The following SUCLG2 variants were observed in gnomAD, a reference collection of about 807,000 sequenced individuals.
SUCLG2 encodes succinate-CoA ligase GDP-forming subunit beta.
In SUCLG2, 42 loss-of-function variants were observed where a neutral mutation model predicts 47.9. That is an observed-to-expected ratio of 0.88 (90% confidence interval 0.69 to 1.14). SUCLG2 has a LOEUF of 1.14. Ranked by LOEUF, SUCLG2 falls within the 50% of genes most tolerant of loss-of-function variation. The pLI is 0.00. For missense variants in SUCLG2, 571 were observed against 525.9 expected (o/e 1.09, Z -0.84); for synonymous variants, 195 against 197.3 (o/e 0.99, Z 0.10).
chr3:67,414,752 C>T (rs1333354601), intron 9 of SUCLG2, among the ~76,000 whole-genome samples: 1 of 152,194 alleles, frequency 6.6e-6, no homozygotes, highest in African/African-American at 2.4e-5. Context: ...GATGTATCAA[C>T]ATCCCAGAAG....
intron 5 of SUCLG2, 25 bp downstream of exon 5, chr3:67,520,457 C>G: frequency 6.2e-7 from 1 of 1,613,790 alleles, no homozygotes; most frequent in Non-Finnish European, 8.5e-7. Context: ...CAATTAATAG[C>G]AGGTAGCCCG....
At chr3:67,427,752 G>T (rs940073606) in intron 9 of SUCLG2, among the ~76,000 whole-genome samples, 2 of 152,146 alleles carry the variant, frequency 1.3e-5, no homozygotes, top group African/African-American at 4.8e-5. Flanking sequence ...GGAAAATCAG[G>T]ACACTTCCAC....
chr3:67,366,705 C>T (rs778820466), intron 10 of SUCLG2, among the ~76,000 whole-genome samples: 17 of 152,142 alleles, frequency 1.1e-4, no homozygotes, highest in East Asian at 1.9e-4. Flanking sequence ...AGGATGACAA[C>T]GTTGAGCAGA....
chr3:67,372,571 T>A (rs188768325), downstream of SUCLG2, among the ~76,000 whole-genome samples: 230 of 152,282 alleles, frequency 1.5e-3, 2 homozygotes, highest in East Asian at 0.02. Flanking sequence ...GAACAGCATA[T>A]GTTCAAAAGT....
chr3:67,610,108 G>A (rs550232217), intron 1 of SUCLG2, among the ~76,000 whole-genome samples: 2 of 152,188 alleles, frequency 1.3e-5, no homozygotes, highest in African/African-American at 4.8e-5. Context: ...ACTGTATATA[G>A]ACTGTTAATC....
At chr3:67,477,992 C>T (rs937339845) in intron 9 of SUCLG2, among the ~76,000 whole-genome samples, 12 of 152,180 alleles carry the variant, frequency 7.9e-5, no homozygotes, top group Non-Finnish European at 1.3e-4. Flanking sequence ...AACAAACCTA[C>T]GATAGGTACT....
Position 67,637,812 on chromosome 3 carries a change from G to C in SUCLG2, c.84+16691C>G, listed in dbSNP as rs1209004215. On this transcript the variant is annotated intron_variant, in intron 1 of 10. Coordinates refer to ENST00000307227, the MANE Select transcript of SUCLG2 (RefSeq NM_003848.4). ...ATGCCAGTAACTTTTGATCCATGTA[G>C]CTTTCTCCTATACCACATTATGACT... Among the ~76,000 whole-genome samples, 3 of 152,124 alleles carry C rather than the reference G, an allele frequency of 2.0e-5. No individual in the cohort carries two copies. In the East Asian group the frequency reaches 5.8e-4, roughly 29 times the overall value.
chr3:67,507,623 C>A (rs116348217), intron 7 of SUCLG2, among the ~76,000 whole-genome samples: 1 of 151,856 alleles, frequency 6.6e-6, no homozygotes, highest in African/African-American at 2.4e-5. Context: ...TATACTTAGG[C>A]CTCTCTGGGT....
intron 9 of SUCLG2, among the ~76,000 whole-genome samples, chr3:67,463,533 A>T (rs1376940420): frequency 6.6e-6 from 1 of 152,256 alleles, no homozygotes; most frequent in Non-Finnish European, 1.5e-5. Context: ...TTATCTTTAT[A>T]TATTTTGTTA....
intron 9 of SUCLG2, among the ~76,000 whole-genome samples, chr3:67,448,914 CTT>C (rs1191351659): frequency 3.3e-5 from 5 of 151,874 alleles, no homozygotes; most frequent in Non-Finnish European, 5.9e-5. Context: ...TGAAAAAAAA[CTT>C]TTGAATTCCA....
chr3:67,365,407 C>T (rs958998889), intron 10 of SUCLG2, among the ~76,000 whole-genome samples: 4 of 152,096 alleles, frequency 2.6e-5, no homozygotes, highest in Non-Finnish European at 5.9e-5. Context: ...TGTTTTTAAC[C>T]TGTGAAAAGG....
rs940536753 is a variant in SUCLG2, at chr3:67,495,939, C to T, written c.921G>A (p.Val307=). 2 of 1,613,876 alleles carry T rather than the reference C, an allele frequency of 1.2e-6. No individual in the cohort carries two copies. Among genetic ancestry groups the T allele is most frequent in the Non-Finnish European group, 1.7e-6 (2 of 1,179,886 alleles). The change falls in exon 9 of 11, where the codon GTG becomes GTA. Residue 307 remains valine, a splice_region_variant and synonymous_variant. Transcript: ENST00000307227. ...TAGCCATGGCGAGCCCAGCACCATT[C>T]ACTGTGAAATGCAAATGGGACACAA... ...IGLDGNIACF[V]NGAGLAMATC...
chr3:67,443,841 GC>G (rs1703840624), intron 9 of SUCLG2, among the ~76,000 whole-genome samples: 1 of 82,306 alleles, frequency 1.2e-5, no homozygotes, highest in Non-Finnish European at 2.9e-5. Context: ...GAAGTGAGGA[GC>G]CCCTCCGCCC....
At chr3:67,638,038 T>C (rs540949522) in intron 1 of SUCLG2, among the ~76,000 whole-genome samples, 1 of 152,346 alleles carries the variant, frequency 6.6e-6, no homozygotes, top group African/African-American at 2.4e-5. Context: ...ATGATAAGTA[T>C]TTTTTCAGTA....
chr3:67,563,433 A>C (rs1007705931), intron 2 of SUCLG2, among the ~76,000 whole-genome samples: 7 of 152,210 alleles, frequency 4.6e-5, no homozygotes, highest in Non-Finnish European at 1.5e-5. Flanking sequence ...TAGTGAGAAA[A>C]ATGAGACAGT....
chr3:67,442,221 G>T (rs942421704), intron 9 of SUCLG2, among the ~76,000 whole-genome samples: 3 of 151,764 alleles, frequency 2.0e-5, no homozygotes, highest in South Asian at 2.1e-4. Flanking sequence ...CGTTTTAGCC[G>T]GGATGGTCTC....
intron 2 of SUCLG2, among the ~76,000 whole-genome samples, chr3:67,601,102 T>C (rs2107297161): frequency 6.6e-6 from 1 of 152,302 alleles, no homozygotes; most frequent in East Asian, 1.9e-4. Flanking sequence ...TAGACAATGT[T>C]CATTTTATAA....
rs28602672 is a variant in SUCLG2, at chr3:67,375,818, C to T, written c.1225G>A (p.Gly409Arg). The change falls in exon 11 of 11, where the codon GGA becomes AGA. Residue 409 changes from glycine (G) to arginine (R), a missense_variant. Gly to Arg is a moderately radical substitution (Grantham distance 125). Transcript: ENST00000307227. ...TCAATGGCTGAAGTAATGGGGAGTC[C>T]GCTGTTGTTGAGTATCTTCTGGGCC... Reference protein sequence around the residue: ...QEAQKILNNSGLPITSAIDLE... With the variant: ...QEAQKILNNSRLPITSAIDLE... 2,633 of 1,613,884 alleles carry T rather than the reference C, an allele frequency of 1.6e-3. 38 individuals carry two copies. In the African/African-American group the frequency reaches 0.03, roughly 18 times the overall value.
At chr3:67,437,774 T>TA (rs1257734593) in intron 9 of SUCLG2, among the ~76,000 whole-genome samples, 2 of 152,258 alleles carry the variant, frequency 1.3e-5, no homozygotes, top group East Asian at 3.9e-4. Context: ...ATGATTATGA[T>TA]AAAAAATTAT....
Sources: allele counts gnomAD v4.1 joint callset (sites outside exome capture counted in the v4.1 genomes callset), GRCh38; gene constraint gnomAD v4.1.1; transcripts MANE v1.5; gene names NCBI Gene and HGNC (gene_info 2026-07-23, HGNC 2026-07-21).